STK32A: variants seen among roughly 807,000 people sequenced by gnomAD.
STK32A encodes the protein serine/threonine kinase 32A.
Under a neutral mutation model 53.2 loss-of-function variants are expected in STK32A, and 41 were observed. The observed-to-expected ratio is 0.77, with a 90% CI of 0.60 to 1.00. The LOEUF (loss-of-function observed/expected upper bound fraction) is 1.00. Ranked by LOEUF, STK32A falls within the 50% of genes least tolerant of loss-of-function variation. STK32A has a pLI of 0.00. For synonymous variants in STK32A, 166 were observed against 162.8 expected, an observed-to-expected ratio of 1.02 and a Z score of -0.15; for missense variants, 458 against 485.8, an observed-to-expected ratio of 0.94 and a Z score of 0.54.
intron 2 of STK32A, among the ~76,000 whole-genome samples, chr5:147,260,175 C>G (rs1309427713): frequency 0.25 from 5,024 of 20,340 alleles, 580 homozygotes; most frequent in African/African-American, 0.48. Context: ...CTCTCTCTCT[C>G]TCTCCTCTCT....
intron 6 of STK32A, among the ~76,000 whole-genome samples, chr5:147,347,093 G>A (rs1167238663): frequency 2.0e-5 from 3 of 152,128 alleles, no homozygotes; most frequent in South Asian, 2.1e-4. Flanking sequence ...AGAAAAATGT[G>A]GGGCACATAT....
At chr5:147,333,319 C>T (rs971349732) in intron 5 of STK32A, among the ~76,000 whole-genome samples, 1 of 152,094 alleles carries the variant, frequency 6.6e-6, no homozygotes, top group African/African-American at 2.4e-5. Context: ...AGCATCTGTA[C>T]GATGGTATAG....
At chr5:147,320,453 ATTGAT>A (rs1228268699) in intron 4 of STK32A, among the ~76,000 whole-genome samples, 1 of 21,252 alleles carries the variant, frequency 4.7e-5, no homozygotes, top group South Asian at 1.0e-3. Context: ...TCTTTGATTC[ATTGAT>A]TATGTTTTCT....
At chr5:147,323,172 G>A (rs561008992) in intron 4 of STK32A, among the ~76,000 whole-genome samples, 19 of 152,292 alleles carry the variant, frequency 1.2e-4, no homozygotes, top group South Asian at 2.1e-4. Flanking sequence ...GTCCAGCATC[G>A]TGAGGAAGGA....
chr5:147,383,838 T>C (rs1386897114), intron 12 of STK32A, 52 bp from the exon 13 acceptor site: 4 of 1,338,416 alleles, frequency 3.0e-6, no homozygotes, highest in South Asian at 1.4e-5. Flanking sequence ...CTTAAACCTT[T>C]CATTTTATTT....
intron 12 of STK32A, 35 bp downstream of exon 12, chr5:147,383,540 A>T (rs1757536704): frequency 6.7e-7 from 1 of 1,496,656 alleles, no homozygotes. Context: ...AGCCCCAGAA[A>T]TGGTGGCATG....
intron 11 of STK32A, chr5:147,383,142 G>T (rs1273537368): frequency 5.1e-6 from 2 of 388,872 alleles, no homozygotes; most frequent in African/African-American, 2.2e-5. Flanking sequence ...ACTGCGCTTT[G>T]CCACCCAAGC....
In STK32A at chr5:147,289,236, C is replaced by G. The variant is rs138750706; in HGVS notation, c.260+9838C>G. On this transcript the variant is annotated intron_variant, in intron 4 of 12. Coordinates refer to ENST00000397936, the MANE Select transcript of STK32A (RefSeq NM_001112724.2). Reference sequence around the variant, plus strand: ...CCCAATATATTGTGTGCAATTTAATCAAGATTTTATGTCCTGAGTTTAACT... The same window carrying G: ...CCCAATATATTGTGTGCAATTTAATGAAGATTTTATGTCCTGAGTTTAACT... Among the ~76,000 whole-genome samples, 244 of 152,190 alleles carry G rather than the reference C, an allele frequency of 1.6e-3. 1 individual carries two copies. The highest frequency in any genetic ancestry group is 5.8e-3 in the African/African-American group (239 of 41,534).
At chr5:147,399,223 G>A in the STK32A span, 2 of 1,614,138 alleles carry the variant, frequency 1.2e-6, no homozygotes, top group Non-Finnish European at 1.7e-6. Context: ...TCACAGCCAC[G>A]AACTGGTTTT....
intron 8 of STK32A, among the ~76,000 whole-genome samples, chr5:147,362,378 A>C (rs940217884): frequency 1.3e-5 from 2 of 152,170 alleles, no homozygotes; most frequent in Non-Finnish European, 2.9e-5. Context: ...TGCAGATAGC[A>C]GCCTTTTTTC....
chr5:147,310,506 G>A (rs934967278), intron 4 of STK32A, among the ~76,000 whole-genome samples: 6 of 152,206 alleles, frequency 3.9e-5, no homozygotes, highest in African/African-American at 1.2e-4. Context: ...GACTCAGCAC[G>A]CCGGGCACCT....
At chr5:147,300,851 A>G (rs910297608) in intron 4 of STK32A, among the ~76,000 whole-genome samples, 2 of 152,212 alleles carry the variant, frequency 1.3e-5, no homozygotes, top group African/African-American at 4.8e-5. Flanking sequence ...TTTGAATGAC[A>G]GTGATAAGAA....
chr5:147,361,941 G>T (rs543183597), intron 8 of STK32A, among the ~76,000 whole-genome samples: 1 of 152,278 alleles, frequency 6.6e-6, no homozygotes, highest in Non-Finnish European at 1.5e-5. Context: ...AAGTCATTTT[G>T]CAGTCATAGT....
At chr5:147,290,475 C>T (rs1363175593) in intron 4 of STK32A, among the ~76,000 whole-genome samples, 1 of 152,136 alleles carries the variant, frequency 6.6e-6, no homozygotes, top group Non-Finnish European at 1.5e-5. Flanking sequence ...CTTCACAAAG[C>T]CCTGGCAACC....
At chr5:147,366,154 G>A (rs747130955) in intron 8 of STK32A, among the ~76,000 whole-genome samples, 4 of 152,000 alleles carry the variant, frequency 2.6e-5, no homozygotes, top group African/African-American at 9.7e-5. Flanking sequence ...TTAGGTCAAC[G>A]TTTCAGATTT....
At chr5:147,235,392 T>A (rs1366063920) in intron 1 of STK32A, among the ~76,000 whole-genome samples, 193 bp downstream of exon 1, 4 of 152,314 alleles carry the variant, frequency 2.6e-5, no homozygotes, top group East Asian at 3.9e-4. Context: ...TGGCACTGAC[T>A]CATGTGCAGA....
chr5:147,291,513 A>G (rs950609813), intron 4 of STK32A, among the ~76,000 whole-genome samples: 1 of 152,002 alleles, frequency 6.6e-6, no homozygotes, highest in African/African-American at 2.4e-5. Context: ...ACAATGAGCT[A>G]TACATAGTAG....
At chr5:147,237,278 A>G (rs1042299626) in intron 1 of STK32A, among the ~76,000 whole-genome samples, 1 of 151,908 alleles carries the variant, frequency 6.6e-6, no homozygotes. Flanking sequence ...GTGCCACTGC[A>G]CTCCAGCCTG....
Position 147,386,476 on chromosome 5 carries a change from AAT to A in STK32A, c.*2494_*2495del, listed in dbSNP as rs1757647381. 1 of 152,168 alleles carries A rather than the reference AAT, an allele frequency of 6.6e-6. No homozygotes were observed. The highest frequency in any genetic ancestry group is 1.5e-5 in the Non-Finnish European group (1 of 68,022). The allele number at this position is 152,168 out of a possible 1,614,324, so 9.4% of individuals were successfully genotyped here. A position where few individuals can be genotyped will look rare whatever the true frequency, so the allele number is the denominator to read the frequency against. On this transcript the variant is annotated 3_prime_UTR_variant, in exon 13 of 13. Coordinates refer to ENST00000397936, the MANE Select transcript of STK32A (RefSeq NM_001112724.2). ...AAGAGGCTTTGGGAAATTTTTCTGT[AAT>A]TACACTTACCAAAGAGCCATGGAAC... is the stretch of plus-strand genomic sequence containing the variant.
Sources: gnomAD v4.1 joint callset for allele counts (sites outside exome capture counted in the v4.1 genomes callset) on GRCh38, gnomAD v4.1.1 for gene constraint, MANE v1.5 for transcripts, NCBI Gene and HGNC (gene_info 2026-07-23, HGNC 2026-07-21) for gene names.